The following EP400 variants were observed in gnomAD, a reference collection of about 807,000 sequenced individuals.
EP400 encodes the protein E1A-binding protein p400.
A neutral mutation model predicts 354.1 loss-of-function variants in EP400; 105 were observed. The observed-to-expected ratio is 0.30, with a 90% CI of 0.25 to 0.35. EP400 has a LOEUF of 0.35. EP400 is among the 10% of genes least tolerant of loss of function. The pLI is 1.00. For synonymous variants in EP400, 1,646 were observed against 1,716.9 expected (o/e 0.96, Z 1.02); for missense variants, 3,280 against 4,121.0 (o/e 0.80, Z 5.59).
rs770235631 is a variant in EP400, at chr12:131,992,244, C to T, written c.2737+14C>T. 3 of 1,607,100 alleles carry T rather than the reference C, an allele frequency of 1.9e-6. No homozygotes were observed. In the South Asian group the frequency reaches 3.3e-5, roughly 18 times the overall value. On this transcript the variant is annotated intron_variant, in intron 11 of 52. Transcript: ENST00000389561. ...CTGATGACGAAGGTCTGTTCCCCCT[C>T]AGCACTATCTTTGTCATCTCCAGGG...
intron 6 of EP400, 57 bp from the exon 7 acceptor site, chr12:131,987,648 T>C: frequency 6.8e-7 from 1 of 1,461,902 alleles, no homozygotes. Context: ...GGGGTCTGAG[T>C]TGGTGGAACA....
rs1894804791 is a variant in EP400 at position 132,038,954 on chromosome 12, T to G, written c.6207+858T>G. On this transcript the variant is annotated intron_variant, in intron 32 of 52. Coordinates refer to ENST00000389561, the MANE Select transcript of EP400 (RefSeq NM_015409.5). This position sits in a 1 kb window ranked among gnomAD's most constrained non-coding sequence, Gnocchi z 4.2. Reference sequence around the variant, plus strand: ...CTGTACATCTTTCTTCCTGCCCTGTTTGACTGCAGCGCATGACTGCATGGG... The same window carrying G: ...CTGTACATCTTTCTTCCTGCCCTGTGTGACTGCAGCGCATGACTGCATGGG... Among the ~76,000 whole-genome samples the G allele has an allele frequency of 6.6e-6, 1 of 152,212 alleles. No homozygotes were observed. The highest frequency in any genetic ancestry group is 1.5e-5 in the Non-Finnish European group (1 of 68,042).
intron 7 of EP400, among the ~76,000 whole-genome samples, chr12:131,989,284 A>G (rs920339649): frequency 2.0e-5 from 3 of 152,246 alleles, no homozygotes; most frequent in Non-Finnish European, 4.4e-5. Context: ...TCGCTGGGGT[A>G]GACAGGGAGA....
In EP400 at chr12:132,050,790, A is replaced by T; in HGVS notation, c.7394+135A>T. On this transcript the variant is annotated intron_variant, in intron 41 of 52. Transcript: ENST00000389561. The surrounding 1 kb of genome is among the most constrained non-coding windows in gnomAD (Gnocchi z 4.8). ...TCAGCTGGACGTGGCAGTGCGCAGAACCTGCAGGAGAGAGGTGCTTTTCCT... is the reference window on the plus strand; with the variant it reads ...TCAGCTGGACGTGGCAGTGCGCAGATCCTGCAGGAGAGAGGTGCTTTTCCT... 1 of 1,082,094 alleles carries T rather than the reference A, an allele frequency of 9.2e-7. No homozygotes were observed. The highest frequency in any genetic ancestry group is 1.4e-6 in the Non-Finnish European group (1 of 719,274). 67.0% of individuals were successfully genotyped at this position (1,082,094 alleles called of 1,614,324 possible).
chr12:132,000,173 T>TA (rs1447791949), intron 12 of EP400, among the ~76,000 whole-genome samples: 1 of 152,128 alleles, frequency 6.6e-6, no homozygotes, highest in African/African-American at 2.4e-5. Flanking sequence ...GAATATCATA[T>TA]TTATTATTCA....
chr12:132,019,236 T>C (rs1593350881), intron 21 of EP400, among the ~76,000 whole-genome samples: 1 of 151,954 alleles, frequency 6.6e-6, no homozygotes, highest in Non-Finnish European at 1.5e-5. Flanking sequence ...GAGACAGAGG[T>C]CTCCCTGTGT....
In EP400 at chr12:132,011,650, A is replaced by G. The variant is rs781232783; in HGVS notation, c.3441+16A>G. The G allele has an allele frequency of 1.3e-6, 2 of 1,585,258 alleles. No individual in the cohort carries two copies. Among genetic ancestry groups the G allele is most frequent in the Non-Finnish European group, 1.7e-6 (2 of 1,170,914 alleles). ...AAAGAGACAGGTATTTTTTTTTTAA[A>G]CATAAAATAAAGCTAAACAGAAAGC... On this transcript the variant is annotated intron_variant, in intron 16 of 52. Coordinates refer to ENST00000389561, the MANE Select transcript of EP400 (RefSeq NM_015409.5).
Position 131,982,376 on chromosome 12 carries a change from C to T in EP400, c.1827C>T (p.Ser609=). 1 of 1,614,204 alleles carries T rather than the reference C, an allele frequency of 6.2e-7. No individual in the cohort carries two copies. The highest frequency in any genetic ancestry group is 8.5e-7 in the Non-Finnish European group (1 of 1,180,040). ...PNVPIPAPPS[S]QLPIPPSQPA... ...TTCCCATCCCTGCACCGCCCAGCAG[C>T]CAACTCCCCATCCCTCCCTCGCAGC... Residue 609 remains serine (S), a synonymous_variant, in exon 5 of 53, where the codon AGC becomes AGT. Coordinates refer to ENST00000389561, the MANE Select transcript of EP400 (RefSeq NM_015409.5).
rs1286935590 is a variant in EP400 at position 132,036,174 on chromosome 12, C to T, written c.5952-1508C>T. Among the ~76,000 whole-genome samples, 4 of 147,786 alleles carry T rather than the reference C, an allele frequency of 2.7e-5. No individual in the cohort carries two copies. The East Asian group carries it at 8.2e-4, about 30-fold the overall frequency. ...TCACATGGAGCATCATGGAACAACA[C>T]ACCCAGGTTCACACGGAACGTCATG... On this transcript the variant is annotated intron_variant, in intron 30 of 52. Coordinates refer to ENST00000389561, the MANE Select transcript of EP400 (RefSeq NM_015409.5).
chr12:132,017,430 T>C lies in EP400; in HGVS notation c.3924-105T>C, dbSNP rs933489104. On this transcript the variant is annotated intron_variant, in intron 19 of 52. Transcript: ENST00000389561. The surrounding 1 kb of genome is among the most constrained non-coding windows in gnomAD (Gnocchi z 5.0). ...ACTCATTAAGCGGACCTAGAAAATC[T>C]GCTCCTGCCTGCCTTTCTGGAGTTG... 8.0e-7 allele frequency: 1 copy of C among 1,255,566 alleles called. No individual in the cohort carries two copies. The allele number at this position is 1,255,566 out of a possible 1,614,324, so 77.8% of individuals were successfully genotyped here. A position where few individuals can be genotyped will look rare whatever the true frequency, so the allele number is the denominator to read the frequency against.
Position 132,025,110 on chromosome 12 carries a change from C to A in EP400, c.4856-536C>A, listed in dbSNP as rs80021428. ...CAAAACATTTTTTGGCCCACAGAGGCTGGGTCGCTTGGTAACATCTCTGAT... is the reference window on the plus strand; with the variant it reads ...CAAAACATTTTTTGGCCCACAGAGGATGGGTCGCTTGGTAACATCTCTGAT... On this transcript the variant is annotated intron_variant, in intron 24 of 52. Transcript: ENST00000389561. This position sits in a 1 kb window ranked among gnomAD's most constrained non-coding sequence, Gnocchi z 4.1. 1.1e-4 allele frequency among the ~76,000 whole-genome samples: 17 copies of A among 151,948 alleles called. No individual in the cohort carries two copies. Among genetic ancestry groups the A allele is most frequent in the African/African-American group, 3.9e-4 (16 of 41,398 alleles).
At chr12:131,973,820 T>C (rs1892378049) in intron 2 of EP400, among the ~76,000 whole-genome samples, 1 of 152,174 alleles carries the variant, frequency 6.6e-6, no homozygotes, top group African/African-American at 2.4e-5. Context: ...GCAGCTATAG[T>C]ATAAAAAATA....
chr12:132,028,107 G>A lies in EP400; in HGVS notation c.5200G>A (p.Asp1734Asn). 6.2e-7 allele frequency: 1 copy of A among 1,614,238 alleles called. No homozygotes were observed. Among genetic ancestry groups the A allele is most frequent in the Non-Finnish European group, 8.5e-7 (1 of 1,180,052 alleles). ...RCSQAPVYGR[D>N]LLRICALPSH... is the part of the protein sequence containing the mutation. ...TTCTCAAGCTCCAGTCTATGGCAGA[G>A]ACTTGCTAAGGATTTGTGCCCTGCC... The change falls in exon 27 of 53, where the codon GAC becomes AAC. Residue 1734 changes from aspartate (D) to asparagine (N), a missense_variant. By Grantham distance (23) the Asp-to-Asn change is conservative. This residue lies in a region of EP400 where 459 missense variants were observed against 496.9 expected (regional missense o/e 0.92). Transcript: ENST00000389561.
chr12:131,964,041 ATAGC>A (rs1384823675), intron 2 of EP400, among the ~76,000 whole-genome samples: 1 of 152,234 alleles, frequency 6.6e-6, no homozygotes, highest in East Asian at 1.9e-4. Context: ...GGTATTTTCC[ATAGC>A]TAGAGGAAAT....
At chr12:131,991,298 TC>T (rs1422660063) in intron 9 of EP400, 108 bp from the exon 10 acceptor site, 5 of 1,055,914 alleles carry the variant, frequency 4.7e-6, no homozygotes, top group Admixed American at 3.5e-5. Context: ...CACGCGTCCT[TC>T]CTTTCCCTGC....
rs1359576924 is a variant in EP400, at chr12:131,992,209, A to G, written c.2716A>G (p.Ile906Val). 2 of 1,610,592 alleles carry G rather than the reference A, an allele frequency of 1.2e-6. No homozygotes were observed. Among genetic ancestry groups the G allele is most frequent in the South Asian group, 1.1e-5 (1 of 91,090 alleles). ...GMSGRKRKAS[I>V]SLTDDEVDDE... Reference sequence around the variant, plus strand: ...GTCTGGAAGAAAAAGAAAAGCTAGCATATCTTTGACTGATGACGAAGGTCT... The same window carrying G: ...GTCTGGAAGAAAAAGAAAAGCTAGCGTATCTTTGACTGATGACGAAGGTCT... Residue 906 changes from isoleucine to valine, a missense_variant, in exon 11 of 53, where the codon ATA (isoleucine) becomes GTA (valine). Around this residue, in one of 20 missense-constraint regions of EP400, gnomAD observed 800 missense variants for 840.0 expected, o/e 0.95. Coordinates refer to ENST00000389561, the MANE Select transcript of EP400 (RefSeq NM_015409.5).
Position 132,044,904 on chromosome 12 carries a change from C to T in EP400, c.6735C>T (p.Pro2245=). 1.2e-6 allele frequency: 2 copies of T among 1,614,190 alleles called. No homozygotes were observed. Among genetic ancestry groups the T allele is most frequent in the African/African-American group, 1.3e-5 (1 of 75,050 alleles). ...CTCCCATCCCAGAGGCTAAGCTGCC[C>T]CCTGTGTACGTGAGGAAGGAGCGGA... is the stretch of plus-strand genomic sequence containing the variant. ...EATPIPEAKL[P]PVYVRKERKR... The change falls in exon 37 of 53, where the codon CCC becomes CCT. Residue 2245 remains proline, a synonymous_variant. Transcript: ENST00000389561.
chr12:132,069,597 G>A lies in EP400; in HGVS notation c.8977G>A (p.Ala2993Thr), dbSNP rs1356209570. 36 of 1,614,134 alleles carry A rather than the reference G, an allele frequency of 2.2e-5. No homozygotes were observed. Among genetic ancestry groups the A allele is most frequent in the Non-Finnish European group, 3.1e-5 (36 of 1,180,040 alleles). Residue 2993 changes from alanine to threonine, a missense_variant, in exon 51 of 53, where the codon GCC becomes ACC. Transcript: ENST00000389561. The part of the protein sequence containing the change: ...TQFLTTPISQ[A>T]QKLAGAQQVQ... Reference sequence around the variant, plus strand: ...GTTTCTTACCACACCCATCTCCCAGGCCCAGAAACTGGCCGGGGCCCAGCA... The same window carrying A: ...GTTTCTTACCACACCCATCTCCCAGACCCAGAAACTGGCCGGGGCCCAGCA...
In EP400 at chr12:132,052,840, A is replaced by G. The variant is rs1649673056; in HGVS notation, c.7395-306A>G. The stretch of plus-strand genomic sequence containing the variant: ...AACAGACAGAGATTTTCCCAAGTAC[A>G]GTGCAGACACATGAGGTGGGCTGTG... On this transcript the variant is annotated intron_variant, in intron 41 of 52. Coordinates refer to ENST00000389561, the MANE Select transcript of EP400 (RefSeq NM_015409.5). This position sits in a 1 kb window ranked among gnomAD's most constrained non-coding sequence, Gnocchi z 4.4. 6.6e-6 allele frequency among the ~76,000 whole-genome samples: 1 copy of G among 152,110 alleles called. No individual in the cohort carries two copies. Among genetic ancestry groups the G allele is most frequent in the Non-Finnish European group, 1.5e-5 (1 of 68,006 alleles).
Sources: gnomAD v4.1 joint callset for allele counts (sites outside exome capture counted in the v4.1 genomes callset) on GRCh38, gnomAD v4.1.1 for gene constraint, gnomAD v4.1.1 regional missense constraint, Gnocchi (gnomAD v3.1) non-coding constraint, MANE v1.5 for transcripts, NCBI Gene and HGNC (gene_info 2026-07-23, HGNC 2026-07-21) for gene names.